Variants in LRRC7 observed in about 807,000 individuals in gnomAD.
The protein encoded by LRRC7 is leucine rich repeat containing 7.
In LRRC7, 23 loss-of-function variants were observed where a neutral mutation model predicts 175.7. The ratio of observed to expected loss-of-function variants is 0.13; its 90% CI spans 0.09 to 0.19. LRRC7 has a LOEUF of 0.19. Among genes scored for constraint, LRRC7 ranks in the 10% least tolerant of loss-of-function variants. The pLI is 1.00. For synonymous variants in LRRC7, 685 were observed against 680.9 expected (o/e 1.01, Z -0.09); for missense variants, 1,354 against 1,904.7 (o/e 0.71, Z 5.38).
At chr1:69,589,720 A>T (rs920575929) in intron 1 of LRRC7, among the ~76,000 whole-genome samples, 1 of 152,198 alleles carries the variant, frequency 6.6e-6, no homozygotes, top group Non-Finnish European at 1.5e-5. Context: ...ACTAGGATTC[A>T]CACTATAGTT....
chr1:69,956,754 A>G (rs1650533993), intron 8 of LRRC7, among the ~76,000 whole-genome samples: 1 of 151,882 alleles, frequency 6.6e-6, no homozygotes, highest in East Asian at 1.9e-4. Flanking sequence ...ACTGTAATAT[A>G]TTTAAGAATA....
intron 23 of LRRC7, among the ~76,000 whole-genome samples, chr1:70,061,696 T>TG (rs1256663957): frequency 6.6e-6 from 1 of 152,082 alleles, no homozygotes; most frequent in Non-Finnish European, 1.5e-5. Flanking sequence ...CATAAAAAAG[T>TG]GGAAAAGTAG....
chr1:69,724,596 CA>C (rs1183038217), intron 2 of LRRC7, among the ~76,000 whole-genome samples: 1 of 152,074 alleles, frequency 6.6e-6, no homozygotes, highest in Non-Finnish European at 1.5e-5. Flanking sequence ...ATAAATTATA[CA>C]AAAAACTGAC....
At chr1:69,923,270 A>G (rs1236001914) in intron 7 of LRRC7, among the ~76,000 whole-genome samples, 1 of 152,208 alleles carries the variant, frequency 6.6e-6, no homozygotes, top group African/African-American at 2.4e-5. Context: ...TAGTGCTGCA[A>G]TAAACATACA....
intron 1 of LRRC7, among the ~76,000 whole-genome samples, chr1:69,588,985 CTGTGTG>C (rs138325158): frequency 1.5e-5 from 2 of 131,062 alleles, no homozygotes; most frequent in African/African-American, 2.7e-5. Flanking sequence ...CTGCTGGGGT[CTGTGTG>C]TGTGTGTGTG....
chr1:69,652,630 T>C (rs1656019358), intron 1 of LRRC7, among the ~76,000 whole-genome samples: 2 of 152,022 alleles, frequency 1.3e-5, no homozygotes, highest in Non-Finnish European at 2.9e-5. Flanking sequence ...TTTTCAATTC[T>C]ATAATTTGGA....
chr1:70,001,420 C>T (rs1655510305), intron 11 of LRRC7, among the ~76,000 whole-genome samples: 1 of 152,124 alleles, frequency 6.6e-6, no homozygotes, highest in Non-Finnish European at 1.5e-5. Context: ...CTAGGTTATT[C>T]ACATACTTCG....
At chr1:69,809,259 T>C (rs1677522052) in intron 4 of LRRC7, among the ~76,000 whole-genome samples, 1 of 151,984 alleles carries the variant, frequency 6.6e-6, no homozygotes, top group African/African-American at 2.4e-5. Flanking sequence ...AAATAACAAG[T>C]TCTGAAATTG....
chr1:70,040,608 C>T (rs922436701), intron 21 of LRRC7, among the ~76,000 whole-genome samples: 1 of 151,962 alleles, frequency 6.6e-6, no homozygotes, highest in African/African-American at 2.4e-5. Context: ...GTCAGGAACT[C>T]GAGACCAGCC....
intron 8 of LRRC7, among the ~76,000 whole-genome samples, chr1:69,968,885 C>G (rs1175723470): frequency 6.6e-6 from 1 of 151,734 alleles, no homozygotes; most frequent in Admixed American, 6.6e-5. Context: ...GTGGCGCAAT[C>G]TCAGCTCACT....
intron 7 of LRRC7, among the ~76,000 whole-genome samples, chr1:69,903,308 G>T (rs942929503): frequency 2.6e-5 from 4 of 152,198 alleles, no homozygotes; most frequent in Admixed American, 2.0e-4. Flanking sequence ...GTTAGACAGT[G>T]GTTGCAGCCC....
chr1:69,956,974 G>C lies in LRRC7; in HGVS notation c.712-23405G>C, dbSNP rs368974323. Among the ~76,000 whole-genome samples, 6 of 151,594 alleles carry C rather than the reference G, an allele frequency of 4.0e-5. No individual in the cohort carries two copies. In the South Asian group the frequency reaches 8.3e-4, roughly 21 times the overall value. On this transcript the variant is annotated intron_variant, in intron 8 of 26. Coordinates refer to ENST00000651989, the MANE Select transcript of LRRC7 (RefSeq NM_001370785.2). ...TATAAGCATTCTTACTTCTCTAATG[G>C]GTAAATTGAAGCACAGCAAAATTAA...
intron 1 of LRRC7, among the ~76,000 whole-genome samples, chr1:69,585,076 A>G (rs762619902): frequency 1.2e-4 from 19 of 152,192 alleles, no homozygotes; most frequent in Non-Finnish European, 2.5e-4. Context: ...AGACTGATAC[A>G]CAGTTATATC....
intron 2 of LRRC7, among the ~76,000 whole-genome samples, chr1:69,729,707 C>T (rs2100812271): frequency 6.6e-6 from 1 of 152,252 alleles, no homozygotes; most frequent in East Asian, 1.9e-4. Context: ...TTTCCAGGCA[C>T]ATGGTACAAG....
intron 4 of LRRC7, among the ~76,000 whole-genome samples, chr1:69,798,885 T>G (rs1676122749): frequency 6.6e-6 from 1 of 152,130 alleles, no homozygotes; most frequent in Non-Finnish European, 1.5e-5. Flanking sequence ...TTACTAAATA[T>G]ATTAATTGTT....
At chr1:69,686,494 T>C (rs1016052329) in intron 2 of LRRC7, among the ~76,000 whole-genome samples, 1 of 152,148 alleles carries the variant, frequency 6.6e-6, no homozygotes, top group South Asian at 2.1e-4. Context: ...GATATAAGGT[T>C]TCTCTACTTC....
intron 7 of LRRC7, among the ~76,000 whole-genome samples, chr1:69,881,021 G>T (rs1365452611): frequency 1.3e-5 from 2 of 152,146 alleles, no homozygotes; most frequent in African/African-American, 4.8e-5. Context: ...CCTCTTTGAA[G>T]ATTTCCCTGG....
At chr1:69,934,663 T>G (rs962687682) in intron 8 of LRRC7, among the ~76,000 whole-genome samples, 20 of 152,146 alleles carry the variant, frequency 1.3e-4, no homozygotes, top group Non-Finnish European at 1.8e-4. Context: ...ATTAATATTT[T>G]TTGGTATATT....
chr1:69,706,841 T>A (rs920128383), intron 2 of LRRC7, among the ~76,000 whole-genome samples: 6 of 152,170 alleles, frequency 3.9e-5, no homozygotes, highest in Admixed American at 6.5e-5. Flanking sequence ...ACACTACCTA[T>A]GTCATAGAGA....
Sources: allele counts gnomAD v4.1 joint callset (sites outside exome capture counted in the v4.1 genomes callset), GRCh38; gene constraint gnomAD v4.1.1; transcripts MANE v1.5; gene names NCBI Gene and HGNC (gene_info 2026-07-23, HGNC 2026-07-21).